PIEZO2: variants seen among roughly 807,000 people sequenced by gnomAD.
PIEZO2 encodes the protein piezo-type mechanosensitive ion channel component 2.
Under a neutral mutation model 337.3 loss-of-function variants are expected in PIEZO2, and 172 were observed. The ratio of observed to expected loss-of-function variants is 0.51; its 90% CI spans 0.45 to 0.58. The LOEUF is 0.58. Ranked by LOEUF, PIEZO2 falls within the 20% of genes least tolerant of loss-of-function variation. PIEZO2 has a pLI of 0.00. For synonymous variants in PIEZO2, 1,251 were observed against 1,228.5 expected, an observed-to-expected ratio of 1.02 and a Z score of -0.38; for missense variants, 3,028 against 3,391.3, an observed-to-expected ratio of 0.89 and a Z score of 2.66.
At chr18:11,136,929 C>A (rs77145536) in intron 1 of PIEZO2, among the ~76,000 whole-genome samples, 2 of 152,142 alleles carry the variant, frequency 1.3e-5, no homozygotes, top group African/African-American at 4.8e-5. Flanking sequence ...TGTTCTTATA[C>A]GATTGTTTAG....
intron 2 of PIEZO2, among the ~76,000 whole-genome samples, chr18:11,007,757 CAAAACT>C (rs1446457558): frequency 1.4e-4 from 21 of 152,154 alleles, no homozygotes; most frequent in African/African-American, 4.8e-4. Flanking sequence ...AAATTTCAAC[CAAAACT>C]TCTGTATCTA....
intron 2 of PIEZO2, among the ~76,000 whole-genome samples, chr18:10,998,368 A>T (rs2145592605): frequency 6.6e-6 from 1 of 152,072 alleles, no homozygotes; most frequent in South Asian, 2.1e-4. Context: ...ACACACACAC[A>T]CACACACACA....
chr18:10,804,889 A>T (rs2039947475), intron 8 of PIEZO2, among the ~76,000 whole-genome samples: 1 of 152,152 alleles, frequency 6.6e-6, no homozygotes, highest in Non-Finnish European at 1.5e-5. Flanking sequence ...GTCCCAGCCC[A>T]TTTGAAATAG....
At position 10,741,636 on chromosome 18, in the gene PIEZO2, A is replaced by C. The variant is rs118132778; in HGVS notation, c.4637-534T>G. Reference sequence around the variant, plus strand: ...ATAGAGAAGCATGCAAGCCTCTATAAAAGATCCTTTAAACTTTAATTTGAT... The same window carrying C: ...ATAGAGAAGCATGCAAGCCTCTATACAAGATCCTTTAAACTTTAATTTGAT... On this transcript the variant is annotated intron_variant, in intron 32 of 55. Transcript: ENST00000674853. Among the ~76,000 whole-genome samples the C allele has an allele frequency of 1.9e-3, 284 of 152,338 alleles. 1 individual carries two copies. The highest frequency in any genetic ancestry group is 0.014 in the Middle Eastern group (4 of 294).
intron 2 of PIEZO2, among the ~76,000 whole-genome samples, chr18:11,020,673 G>A (rs576045226): frequency 5.9e-5 from 9 of 152,106 alleles, no homozygotes; most frequent in Non-Finnish European, 1.3e-4. Flanking sequence ...CCACTAAATA[G>A]AAGTTAAGTG....
chr18:10,985,532 C>A (rs1409474978), intron 2 of PIEZO2, among the ~76,000 whole-genome samples: 1 of 152,018 alleles, frequency 6.6e-6, no homozygotes, highest in Non-Finnish European at 1.5e-5. Flanking sequence ...GTATTCTATT[C>A]CATTGTTCTA....
At chr18:10,715,450 T>C (rs766163443) in intron 38 of PIEZO2, among the ~76,000 whole-genome samples, 200 bp downstream of exon 38, 1 of 152,190 alleles carries the variant, frequency 6.6e-6, no homozygotes, top group African/African-American at 2.4e-5. Context: ...CGTGTGTGTG[T>C]GTAGGTGCAT....
intron 3 of PIEZO2, among the ~76,000 whole-genome samples, chr18:10,955,964 C>T (rs920848325): frequency 6.6e-6 from 1 of 152,156 alleles, no homozygotes; most frequent in Non-Finnish European, 1.5e-5. Context: ...AATGAATAAA[C>T]CTGAGCTGTG....
chr18:10,918,895 G>A (rs573384980), intron 3 of PIEZO2, among the ~76,000 whole-genome samples: 1 of 151,694 alleles, frequency 6.6e-6, no homozygotes, highest in African/African-American at 2.4e-5. Flanking sequence ...ATATAACATT[G>A]CAATGAGCAA....
intron 3 of PIEZO2, among the ~76,000 whole-genome samples, chr18:10,916,425 C>A (rs2030968812): frequency 6.6e-6 from 1 of 152,174 alleles, no homozygotes; most frequent in South Asian, 2.1e-4. Context: ...CGGAGCCCTT[C>A]CTCGAGGCGA....
chr18:10,677,990 A>C lies in PIEZO2; in HGVS notation c.7953-115T>G. The C allele has an allele frequency of 9.8e-7, 1 of 1,023,712 alleles. No homozygotes were observed. Among genetic ancestry groups the C allele is most frequent in the Non-Finnish European group, 1.4e-6 (1 of 729,462 alleles). The allele number at this position is 1,023,712 out of a possible 1,614,324, so 63.4% of individuals were successfully genotyped here. A position where few individuals can be genotyped will look rare whatever the true frequency, so the allele number is the denominator to read the frequency against. On this transcript the variant is annotated intron_variant, in intron 52 of 55. Coordinates refer to ENST00000674853, the MANE Select transcript of PIEZO2 (RefSeq NM_001378183.1). The surrounding 1 kb of genome is among the most constrained non-coding windows in gnomAD (Gnocchi z 4.1). ...ATGTCACCACGTTTTCATTGGGTCC[A>C]CAACGGTCAATCCTGACCCTTTCAG...
intron 7 of PIEZO2, among the ~76,000 whole-genome samples, chr18:10,838,681 C>A (rs971945048): frequency 3.3e-5 from 5 of 152,212 alleles, no homozygotes; most frequent in Non-Finnish European, 7.3e-5. Flanking sequence ...CTGATGTCAT[C>A]TGTAGGGTTC....
rs2035569315 is a variant in PIEZO2 at position 11,002,194 on chromosome 18, C to T, written c.161-22534G>A. Among the ~76,000 whole-genome samples the T allele has an allele frequency of 6.6e-6, 1 of 152,136 alleles. No individual in the cohort carries two copies. The highest frequency in any genetic ancestry group is 2.1e-4 in the South Asian group (1 of 4,816). ...TGAATTTCAGATAACTTTCATGCGCCACAAATAATTAATATTTTTCTCTTG... is the reference window on the plus strand; with the variant it reads ...TGAATTTCAGATAACTTTCATGCGCTACAAATAATTAATATTTTTCTCTTG... On this transcript the variant is annotated intron_variant, in intron 2 of 55. Transcript: ENST00000674853. This position sits in a 1 kb window ranked among gnomAD's most constrained non-coding sequence, Gnocchi z 4.3.
intron 1 of PIEZO2, among the ~76,000 whole-genome samples, chr18:11,090,728 G>A (rs557861870): frequency 3.9e-5 from 6 of 152,176 alleles, no homozygotes; most frequent in East Asian, 3.9e-4. Flanking sequence ...TGGCTAACAC[G>A]GTGAAACCAG....
chr18:10,934,676 T>TGTGTGTGTGTGTGTGG (rs1262604126), intron 3 of PIEZO2, among the ~76,000 whole-genome samples: 1 of 150,404 alleles, frequency 6.6e-6, no homozygotes, highest in Non-Finnish European at 1.5e-5. Context: ...TGTGTGTGTG[T>TGTGTGTGTGTGTGTGG]GTGTGTTGGG....
intron 4 of PIEZO2, among the ~76,000 whole-genome samples, chr18:10,898,518 T>G (rs1021074381): frequency 1.3e-5 from 2 of 152,190 alleles, no homozygotes; most frequent in Non-Finnish European, 1.5e-5. Flanking sequence ...TAGTGAGAGA[T>G]AATTTGACTG....
chr18:10,801,361 A>C (rs563579238), intron 10 of PIEZO2, 29 bp downstream of exon 10: 106 of 1,452,996 alleles, frequency 7.3e-5, no homozygotes, highest in South Asian at 5.1e-4. Flanking sequence ...TTACACATGC[A>C]TAAATGATAA....
chr18:10,899,908 G>T lies in PIEZO2; in HGVS notation c.329+11278C>A, dbSNP rs533476869. Among the ~76,000 whole-genome samples, 2 of 152,102 alleles carry T rather than the reference G, an allele frequency of 1.3e-5. No homozygotes were observed. Among genetic ancestry groups the T allele is most frequent in the African/African-American group, 4.8e-5 (2 of 41,410 alleles). ...GGATCTCATTGTCATTCATTAACTC[G>T]AAGACTGTTTATATTAGTCATAATG... On this transcript the variant is annotated intron_variant, in intron 4 of 55. Transcript: ENST00000674853. The surrounding 1 kb of genome is among the most constrained non-coding windows in gnomAD (Gnocchi z 4.6).
intron 2 of PIEZO2, among the ~76,000 whole-genome samples, chr18:11,056,651 G>A (rs1268982935): frequency 1.3e-5 from 2 of 152,160 alleles, no homozygotes; most frequent in East Asian, 3.9e-4. Context: ...CAGGAAGGCT[G>A]CAGGGAGCCA....
Sources: allele counts gnomAD v4.1 joint callset (sites outside exome capture counted in the v4.1 genomes callset), GRCh38; gene constraint gnomAD v4.1.1; non-coding constraint Gnocchi (gnomAD v3.1); transcripts MANE v1.5; gene names NCBI Gene and HGNC (gene_info 2026-07-23, HGNC 2026-07-21).